The following NUP214 variants were observed in gnomAD, a reference collection of about 807,000 sequenced individuals.
NUP214 encodes nuclear pore complex protein Nup214.
Under a neutral mutation model 196.2 loss-of-function variants are expected in NUP214, and 79 were observed. That is an observed-to-expected ratio of 0.40 (90% CI 0.34 to 0.49). The LOEUF is 0.49. NUP214 is among the 20% of genes least tolerant of loss of function. NUP214 has a pLI of 0.58. For missense variants in NUP214, 2,468 were observed against 2,539.0 expected, an observed-to-expected ratio of 0.97 and a Z score of 0.60; for synonymous variants, 1,020 against 990.5, an observed-to-expected ratio of 1.03 and a Z score of -0.56.
intron 31 of NUP214, among the ~76,000 whole-genome samples, chr9:131,219,100 G>A (rs1317269586): frequency 6.6e-6 from 1 of 152,094 alleles, no homozygotes; most frequent in Non-Finnish European, 1.5e-5. Context: ...AAGGAAACCA[G>A]CCTTTATTAA....
At chr9:131,214,154 G>A (rs972034707) in intron 30 of NUP214, among the ~76,000 whole-genome samples, 1 of 152,116 alleles carries the variant, frequency 6.6e-6, no homozygotes, top group Admixed American at 6.5e-5. Flanking sequence ...GGGGTGGGGG[G>A]CATTTCAGAA....
Position 131,198,510 on chromosome 9 carries a change from C to T in NUP214, c.5016C>T (p.Pro1672=), listed in dbSNP as rs769640250. The T allele has an allele frequency of 1.7e-5, 28 of 1,614,116 alleles. No homozygotes were observed. The highest frequency in any genetic ancestry group is 2.3e-5 in the Non-Finnish European group (27 of 1,180,052). Residue 1672 remains proline, a synonymous_variant, in exon 29 of 36, where the codon CCC becomes CCT. Coordinates refer to ENST00000359428, the MANE Select transcript of NUP214 (RefSeq NM_005085.4). ...CAGCCACTGCCCCCTCTGCCACGCC[C>T]GTGTTTGGGCAAGTGGCAGCCAGCA... ...NNTATAPSAT[P]VFGQVAASTA... is the part of the protein sequence containing the mutation.
chr9:131,152,401 G>A lies in NUP214; in HGVS notation c.2436+507G>A, dbSNP rs535219376. ...CTCCCAAAGTGCTGGAATTACACGC[G>A]TGACTGGCCAAAATTTTTTATTAAA... On this transcript the variant is annotated intron_variant, in intron 17 of 35. Transcript: ENST00000359428. Among the ~76,000 whole-genome samples the A allele has an allele frequency of 4.3e-4, 66 of 152,178 alleles. 2 individuals are homozygous for A. The highest frequency in any genetic ancestry group is 1.3e-3 in the African/African-American group (56 of 41,540).
intron 23 of NUP214, among the ~76,000 whole-genome samples, chr9:131,176,784 T>C (rs1272885356): frequency 6.6e-6 from 1 of 152,234 alleles, no homozygotes; most frequent in East Asian, 1.9e-4. Flanking sequence ...TTTTACAGTC[T>C]GCGTAGTTGG....
intron 30 of NUP214, among the ~76,000 whole-genome samples, chr9:131,206,763 CA>C (rs1834100062): frequency 6.6e-6 from 1 of 152,104 alleles, no homozygotes; most frequent in African/African-American, 2.4e-5. Context: ...GAATATTATC[CA>C]GCTATGAAAA....
At chr9:131,231,653 G>GA (rs1256012186) in intron 34 of NUP214, among the ~76,000 whole-genome samples, 1 of 148,326 alleles carries the variant, frequency 6.7e-6, no homozygotes, top group African/African-American at 2.5e-5. Flanking sequence ...AAAAGGCATA[G>GA]AAACTTCACA....
chr9:131,184,101 G>A (rs1378154272), intron 24 of NUP214, among the ~76,000 whole-genome samples: 2 of 135,846 alleles, frequency 1.5e-5, no homozygotes, highest in South Asian at 2.3e-4. Context: ...CGCAATCTCA[G>A]CTCATTCCAA....
intron 31 of NUP214, among the ~76,000 whole-genome samples, chr9:131,215,938 TGTTGCCCAG>T (rs1834381516): frequency 6.6e-6 from 1 of 150,410 alleles, no homozygotes; most frequent in African/African-American, 2.4e-5. Flanking sequence ...GTTTCACTCT[TGTTGCCCAG>T]GCTGGTGTGC....
intron 12 of NUP214, among the ~76,000 whole-genome samples, chr9:131,145,850 A>G (rs899342925): frequency 3.3e-5 from 5 of 152,224 alleles, no homozygotes; most frequent in African/African-American, 4.8e-5. Flanking sequence ...ATTTCATATC[A>G]TGATAAACTT....
At chr9:131,135,899 G>A in intron 8 of NUP214, 41 bp from the exon 9 acceptor site, 1 of 1,546,674 alleles carries the variant, frequency 6.5e-7, no homozygotes, top group South Asian at 1.1e-5. Context: ...TAGAACTATT[G>A]CTGTATTTGA....
At chr9:131,155,594 G>C (rs991423794) in intron 17 of NUP214, among the ~76,000 whole-genome samples, 3 of 152,232 alleles carry the variant, frequency 2.0e-5, no homozygotes, top group African/African-American at 7.2e-5. Flanking sequence ...TTATCTTCTA[G>C]AATTTTTATG....
At chr9:131,213,178 CTTT>C (rs1056468207) in intron 30 of NUP214, among the ~76,000 whole-genome samples, 2 of 141,140 alleles carry the variant, frequency 1.4e-5, no homozygotes, top group Admixed American at 7.1e-5. Context: ...TATCAAATCA[CTTT>C]TTTTTTTTTT....
chr9:131,136,078 TTGTCCAGGCTGGAGTGC>T, intron 9 of NUP214, 72 bp downstream of exon 9: 1 of 1,287,924 alleles, frequency 7.8e-7, no homozygotes. Context: ...TCTCGCTCTG[TTGTCCAGGCTGGAGTGC>T]AGTGGTGCAA....
chr9:131,196,881 G>A (rs1345411341), intron 28 of NUP214, among the ~76,000 whole-genome samples: 1 of 152,230 alleles, frequency 6.6e-6, no homozygotes, highest in Non-Finnish European at 1.5e-5. Context: ...TGTTATTAAG[G>A]AAAGCACACA....
chr9:131,159,387 T>C lies in NUP214; in HGVS notation c.2441T>C (p.Ile814Thr), dbSNP rs1832556473. ...CTTTTAATTTTTTTCTTATAGGAAA[T>C]TCGGCGCCTTCATCAGTATGTGAAA... ...DPKSEAQLQEIRRLHQYVKFA... is the reference protein window; with the variant it reads ...DPKSEAQLQETRRLHQYVKFA... The change falls in exon 18 of 36, where the codon ATT (isoleucine) becomes ACT (threonine). Residue 814 changes from isoleucine to threonine, a missense_variant. Ile to Thr is a moderately conservative substitution (Grantham distance 89). This residue lies in a region of NUP214 where 1,801 missense variants were observed against 1,779.4 expected (regional missense o/e 1.01). Transcript: ENST00000359428. The C allele has an allele frequency of 6.2e-7, 1 of 1,612,122 alleles. No individual in the cohort carries two copies. Among genetic ancestry groups the C allele is most frequent in the African/African-American group, 1.3e-5 (1 of 74,866 alleles).
In NUP214 at chr9:131,206,021, C is replaced by T. The variant is rs146160065; in HGVS notation, c.5592+4304C>T. On this transcript the variant is annotated intron_variant, in intron 30 of 35. Transcript: ENST00000359428. ...TAAAGAAATTCGTGCACGTATGTATCAGGATACAAGTGTATTCATAGCAAC... is the reference window on the plus strand; with the variant it reads ...TAAAGAAATTCGTGCACGTATGTATTAGGATACAAGTGTATTCATAGCAAC... 1.1e-3 allele frequency among the ~76,000 whole-genome samples: 164 copies of T among 151,954 alleles called. 4 individuals are homozygous for T. The East Asian group carries it at 0.021, about 19-fold the overall frequency.
rs369809205 is a variant in NUP214 at position 131,198,877 on chromosome 9, G to A, written c.5383G>A (p.Gly1795Arg). The A allele has an allele frequency of 8.7e-6, 14 of 1,614,186 alleles. No individual in the cohort carries two copies. The highest frequency in any genetic ancestry group is 2.2e-5 in the East Asian group (1 of 44,886). The change falls in exon 29 of 36, where the codon GGG (glycine) becomes AGG (arginine). Residue 1795 changes from glycine (G) to arginine (R), a missense_variant. Gly to Arg is a moderately radical substitution (Grantham distance 125, BLOSUM62 -2). Transcript: ENST00000359428. ...TGGACAGTCTTCTCCCAACACAGGA[G>A]GGGGGCTGTTTGGCCAAAGCAACGC... ...SFGQSSPNTG[G>R]GLFGQSNAPA... is the part of the protein sequence containing the mutation.
chr9:131,212,222 C>A (rs988827877), intron 30 of NUP214, among the ~76,000 whole-genome samples: 1 of 152,190 alleles, frequency 6.6e-6, no homozygotes, highest in Non-Finnish European at 1.5e-5. Context: ...TGCTCTCAAA[C>A]CCTGTCTCCT....
intron 31 of NUP214, among the ~76,000 whole-genome samples, chr9:131,216,402 T>A (rs1047031426): frequency 1.3e-5 from 2 of 150,258 alleles, no homozygotes; most frequent in Admixed American, 6.6e-5. Flanking sequence ...TTTTTTATAT[T>A]TTTTTTAGTA....
Sources: gnomAD v4.1 joint callset for allele counts (sites outside exome capture counted in the v4.1 genomes callset) on GRCh38, gnomAD v4.1.1 for gene constraint, gnomAD v4.1.1 regional missense constraint, MANE v1.5 for transcripts, NCBI Gene and HGNC (gene_info 2026-07-23, HGNC 2026-07-21) for gene names.